The following SCFD2 variants were observed in gnomAD, a reference collection of about 807,000 sequenced individuals.
The protein encoded by SCFD2 is sec1 family domain containing 2, also known as sec1 family domain-containing protein 2.
In SCFD2, 54 loss-of-function variants were observed where a neutral mutation model predicts 58.9. The ratio of observed to expected loss-of-function variants is 0.92; its 90% confidence interval spans 0.74 to 1.15. The LOEUF is 1.15. SCFD2 is among the 50% of genes most tolerant of loss of function. SCFD2 has a pLI of 0.00. For missense variants in SCFD2, 805 were observed against 836.6 expected (o/e 0.96, Z 0.47); for synonymous variants, 321 against 335.9 (o/e 0.96, Z 0.49).
intron 2 of SCFD2, 99 bp downstream of exon 2, chr4:53,352,499 C>A: frequency 1.0e-6 from 1 of 989,442 alleles, no homozygotes; most frequent in South Asian, 2.3e-5. Flanking sequence ...TCAACCAGAC[C>A]AATTCTTCAT....
At chr4:53,350,128 G>T (rs527574760) in intron 2 of SCFD2, among the ~76,000 whole-genome samples, 68 of 152,206 alleles carry the variant, frequency 4.5e-4, no homozygotes, top group African/African-American at 1.6e-3. Context: ...TATTACTAAG[G>T]GGCATCTACT....
At position 53,064,151 on chromosome 4, in the gene SCFD2, G is replaced by T. The variant is rs138046702; in HGVS notation, c.1561+81182C>A. 3.2e-3 allele frequency among the ~76,000 whole-genome samples: 483 copies of T among 151,796 alleles called. 2 individuals carry two copies. Among genetic ancestry groups the T allele is most frequent in the African/African-American group, 0.011 (449 of 41,382 alleles). On this transcript the variant is annotated intron_variant, in intron 5 of 8. Coordinates refer to ENST00000401642, the MANE Select transcript of SCFD2 (RefSeq NM_152540.4). ...TTCAACTTTTATTTTAGATTCAAAGGGTACATGTGCAGGTTTGTTACATGG... is the reference window on the plus strand; with the variant it reads ...TTCAACTTTTATTTTAGATTCAAAGTGTACATGTGCAGGTTTGTTACATGG...
chr4:53,348,108 G>A (rs573671779), intron 2 of SCFD2, among the ~76,000 whole-genome samples: 2 of 152,322 alleles, frequency 1.3e-5, no homozygotes, highest in Middle Eastern at 6.8e-3. Flanking sequence ...GACAAGGACT[G>A]GAAGGCCATG....
chr4:53,164,432 CTAGT>C (rs1005688216), intron 4 of SCFD2, among the ~76,000 whole-genome samples: 1 of 152,168 alleles, frequency 6.6e-6, no homozygotes, highest in Non-Finnish European at 1.5e-5. Context: ...GTCCAGCCAG[CTAGT>C]CCCACAAAGG....
chr4:53,302,761 C>A (rs1351194398), intron 3 of SCFD2, among the ~76,000 whole-genome samples: 4 of 152,110 alleles, frequency 2.6e-5, no homozygotes, highest in Admixed American at 1.3e-4. Flanking sequence ...ACATATAGAC[C>A]AATGGAACAG....
At chr4:53,178,873 T>A (rs970769016) in intron 4 of SCFD2, among the ~76,000 whole-genome samples, 21 of 152,204 alleles carry the variant, frequency 1.4e-4, no homozygotes, top group Non-Finnish European at 2.5e-4. Flanking sequence ...CAGTAGCCGA[T>A]GCGATCAACT....
chr4:53,248,204 C>T (rs111668614), intron 4 of SCFD2, among the ~76,000 whole-genome samples: 14 of 152,224 alleles, frequency 9.2e-5, no homozygotes, highest in Admixed American at 2.0e-4. Context: ...CCAAATACTG[C>T]GCTTTTCTGA....
chr4:53,309,753 C>T (rs942790042), intron 3 of SCFD2, among the ~76,000 whole-genome samples: 10 of 152,234 alleles, frequency 6.6e-5, no homozygotes, highest in African/African-American at 2.4e-4. Context: ...CTAACTTGAT[C>T]TGTTTGCTTT....
At chr4:52,916,205 C>T (rs1719597794) in intron 6 of SCFD2, among the ~76,000 whole-genome samples, 1 of 152,216 alleles carries the variant, frequency 6.6e-6, no homozygotes, top group Non-Finnish European at 1.5e-5. Context: ...ACATCAGACA[C>T]TGTGGCATTT....
At chr4:52,970,479 C>T (rs1721071124) in intron 5 of SCFD2, among the ~76,000 whole-genome samples, 1 of 152,188 alleles carries the variant, frequency 6.6e-6, no homozygotes, top group South Asian at 2.1e-4. Context: ...GAGGGGCACC[C>T]ACCATTGCTG....
intron 5 of SCFD2, among the ~76,000 whole-genome samples, chr4:53,135,932 C>T (rs1725924254): frequency 6.6e-6 from 1 of 152,186 alleles, no homozygotes; most frequent in Admixed American, 6.5e-5. Flanking sequence ...CTGTGCTAAC[C>T]CATGATTTCA....
At chr4:52,911,969 C>A (rs1313457860) in intron 6 of SCFD2, among the ~76,000 whole-genome samples, 1 of 152,090 alleles carries the variant, frequency 6.6e-6, no homozygotes, top group Non-Finnish European at 1.5e-5. Flanking sequence ...ATCACCCTGG[C>A]GATGGCCTCT....
intron 3 of SCFD2, among the ~76,000 whole-genome samples, chr4:53,278,847 T>C (rs1235869482): frequency 6.7e-6 from 1 of 148,360 alleles, no homozygotes; most frequent in Non-Finnish European, 1.5e-5. Flanking sequence ...AGAGGCTAAC[T>C]GGAATTTAAG....
At chr4:53,350,662 AC>A (rs1037041974) in intron 2 of SCFD2, among the ~76,000 whole-genome samples, 4 of 152,176 alleles carry the variant, frequency 2.6e-5, no homozygotes, top group African/African-American at 9.7e-5. Context: ...TCTTCTCTGG[AC>A]CCTTCACATA....
At chr4:52,898,362 T>G (rs1168085465) in intron 7 of SCFD2, among the ~76,000 whole-genome samples, 1 of 152,270 alleles carries the variant, frequency 6.6e-6, no homozygotes, top group Non-Finnish European at 1.5e-5. Flanking sequence ...GTCTTTGTTC[T>G]CATTGGTTTC....
At chr4:53,324,542 AC>A (rs1303354688) in intron 2 of SCFD2, among the ~76,000 whole-genome samples, 3 of 152,108 alleles carry the variant, frequency 2.0e-5, no homozygotes, top group African/African-American at 4.8e-5. Context: ...AGGCAGGGCC[AC>A]ATGGGGAAGC....
chr4:53,164,519 T>G lies in SCFD2; in HGVS notation c.1312-18937A>C, dbSNP rs561493139. On this transcript the variant is annotated intron_variant, in intron 4 of 8. Transcript: ENST00000401642. ...AGAAGTAAGGGCAGTATTGGCAGAA[T>G]GTGGTGTCTCATGCCTGTAATCCCA... Among the ~76,000 whole-genome samples, 6 of 152,138 alleles carry G rather than the reference T, an allele frequency of 3.9e-5. No individual in the cohort carries two copies. The South Asian group carries it at 1.2e-3, about 32-fold the overall frequency.
intron 5 of SCFD2, among the ~76,000 whole-genome samples, chr4:53,008,585 C>T (rs551526196): frequency 6.6e-6 from 1 of 152,228 alleles, no homozygotes; most frequent in East Asian, 1.9e-4. Flanking sequence ...TGTAAACTTG[C>T]TCAGTGAGGT....
chr4:53,245,276 T>A (rs116164286), intron 4 of SCFD2, among the ~76,000 whole-genome samples: 1 of 151,900 alleles, frequency 6.6e-6, no homozygotes, highest in Non-Finnish European at 1.5e-5. Flanking sequence ...ATTATCCTGA[T>A]AGAAAAACCT....
Sources: allele counts gnomAD v4.1 joint callset (sites outside exome capture counted in the v4.1 genomes callset), GRCh38; gene constraint gnomAD v4.1.1; transcripts MANE v1.5; gene names NCBI Gene and HGNC (gene_info 2026-07-23, HGNC 2026-07-21).